Variants in URB1 observed in about 807,000 individuals in gnomAD.
The protein encoded by URB1 is URB1 ribosome biogenesis factor, also known as nucleolar pre-ribosomal-associated protein 1.
In URB1, 197 loss-of-function variants were observed where a neutral mutation model predicts 242.3. The ratio of observed to expected loss-of-function variants is 0.81; its 90% CI spans 0.72 to 0.91. The LOEUF is 0.91. Ranked by LOEUF, URB1 falls within the 40% of genes least tolerant of loss-of-function variation. The probability of loss-of-function intolerance (pLI) is 0.00; values close to 1 mark genes in which losing one functional copy is unlikely to be tolerated. For missense variants in URB1, 2,721 were observed against 2,860.5 expected, an observed-to-expected ratio of 0.95 and a Z score of 1.11; for synonymous variants, 1,153 against 1,201.8, an observed-to-expected ratio of 0.96 and a Z score of 0.84.
At chr21:32,356,889 A>G (rs1028538603) in intron 15 of URB1, among the ~76,000 whole-genome samples, 2 of 152,242 alleles carry the variant, frequency 1.3e-5, no homozygotes, top group African/African-American at 4.8e-5. Flanking sequence ...ATGGCAACCT[A>G]TGGAGGTCAA....
intron 24 of URB1, among the ~76,000 whole-genome samples, chr21:32,341,839 TTGACAAGCA>T (rs1347972438): frequency 2.2e-4 from 33 of 152,354 alleles, no homozygotes; most frequent in Middle Eastern, 3.4e-3. Flanking sequence ...TGCACAATTC[TTGACAAGCA>T]TGTGATAGCT....
intron 9 of URB1, 105 bp from the exon 10 acceptor site, chr21:32,366,860 G>T: frequency 7.8e-7 from 1 of 1,281,100 alleles, no homozygotes; most frequent in East Asian, 2.5e-5. Flanking sequence ...AATAATTATA[G>T]CGGTAAAGGT....
In URB1 at chr21:32,383,403, G is replaced by C; in HGVS notation, c.567+19C>G. ...GGAAGGAGACCCATGGAAGGCACGA[G>C]ACACTGTGGTCCCCTCACCTTTGAA... On this transcript the variant is annotated intron_variant, in intron 4 of 38. Coordinates refer to ENST00000382751, the MANE Select transcript of URB1 (RefSeq NM_014825.3). 3.2e-6 allele frequency: 5 copies of C among 1,546,978 alleles called. No homozygotes were observed. Among genetic ancestry groups the C allele is most frequent in the Non-Finnish European group, 4.4e-6 (5 of 1,144,754 alleles).
intron 17 of URB1, 122 bp downstream of exon 17, chr21:32,354,737 T>A: frequency 7.7e-7 from 1 of 1,302,762 alleles, no homozygotes; most frequent in South Asian, 1.8e-5. Context: ...TGGTCTTTGC[T>A]GCAAAGGGAC....
rs780096395 is a variant in URB1 at position 32,317,771 on chromosome 21, A to T, written c.5939T>A (p.Val1980Asp). 2.4e-5 allele frequency: 37 copies of T among 1,551,794 alleles called. No individual in the cohort carries two copies. Among genetic ancestry groups the T allele is most frequent in the Admixed American group, 5.9e-5 (3 of 50,982 alleles). The change falls in exon 37 of 39, where the codon GTC (valine) becomes GAC (aspartate). Residue 1980 changes from valine (V) to aspartate (D), a missense_variant. Coordinates refer to ENST00000382751, the MANE Select transcript of URB1 (RefSeq NM_014825.3). ...AATGAGGCTCCACTTGTGCAAGAGG[A>T]CAAGGACGTCCTTGGTGGAAAGCAC... ...ETVLSTKDVL[V>D]LLHKWSLIER... is the part of the protein sequence containing the mutation.
chr21:32,317,153 C>T, intron 37 of URB1, 88 bp from the exon 38 acceptor site: 1 of 1,436,572 alleles, frequency 7.0e-7, no homozygotes, highest in Non-Finnish European at 9.1e-7. Flanking sequence ...ATGGGGGACA[C>T]GAGGGGCGGC....
chr21:32,337,620 C>T (rs749534512), intron 26 of URB1, 106 bp from the exon 27 acceptor site: 22 of 858,370 alleles, frequency 2.6e-5, no homozygotes, highest in Non-Finnish European at 4.1e-5. Flanking sequence ...GAAATCTCCT[C>T]CTCTGAATAA....
rs1488796090 is a variant in URB1, at chr21:32,373,745, T to G, written c.778A>C (p.Thr260Pro). 2 of 1,544,372 alleles carry G rather than the reference T, an allele frequency of 1.3e-6. No individual in the cohort carries two copies. The highest frequency in any genetic ancestry group is 1.7e-6 in the Non-Finnish European group (2 of 1,144,648). The change falls in exon 7 of 39, where the codon ACC becomes CCC. Residue 260 changes from threonine (T) to proline (P), a missense_variant. Physicochemically the swap from Thr to Pro is conservative, Grantham distance 38 (BLOSUM62 -1). Coordinates refer to ENST00000382751, the MANE Select transcript of URB1 (RefSeq NM_014825.3). ...CCCGTAAAGAAACGCACCTTCTGGGTTTTTGTGATATTTTTATTGTGAACT... is the reference window on the plus strand; with the variant it reads ...CCCGTAAAGAAACGCACCTTCTGGGGTTTTGTGATATTTTTATTGTGAACT... ...KVVHNKNITK[T>P]QKVRFFTGQL...
chr21:32,322,640 T>C (rs1013533477), intron 32 of URB1, 56 bp from the exon 33 acceptor site: 2 of 1,329,700 alleles, frequency 1.5e-6, no homozygotes, highest in Non-Finnish European at 2.1e-6. Flanking sequence ...CGCCCCCTGG[T>C]CTGGCAGCAC....
intron 4 of URB1, among the ~76,000 whole-genome samples, chr21:32,382,717 A>T (rs2033540039): frequency 1.3e-5 from 2 of 152,062 alleles, no homozygotes; most frequent in Non-Finnish European, 2.9e-5. Context: ...TGATATGGCA[A>T]CCAGAAGAGG....
chr21:32,315,257 C>G (rs573843366), intron 38 of URB1, among the ~76,000 whole-genome samples, 158 bp from the exon 39 acceptor site: 24 of 151,444 alleles, frequency 1.6e-4, no homozygotes, highest in African/African-American at 5.8e-4. Context: ...ACAACTCACT[C>G]TGCCTTTGCT....
intron 30 of URB1, among the ~76,000 whole-genome samples, chr21:32,327,885 C>A (rs968322941): frequency 1.3e-5 from 2 of 152,146 alleles, no homozygotes; most frequent in African/African-American, 4.8e-5. Flanking sequence ...CATACACATA[C>A]AAAAGTTGCA....
Position 32,347,116 on chromosome 21 carries a change from C to CAGGGCAGCGATGCTG in URB1, c.3693_3707dup (p.Ser1232_Leu1236dup). ...AGTGGGTGCAGCTCTCCTGGAGGAG[C>CAGGGCAGCGATGCTG]AGGGCAGCGATGCTGAGGGCCGCCT... On this transcript the variant is annotated inframe_insertion, in exon 22 of 39. Transcript: ENST00000382751. 6.5e-7 allele frequency: 1 copy of CAGGGCAGCGATGCTG among 1,549,728 alleles called. No homozygotes were observed. The highest frequency in any genetic ancestry group is 8.7e-7 in the Non-Finnish European group (1 of 1,146,474).
intron 34 of URB1, 139 bp downstream of exon 34, chr21:32,321,662 C>T (rs1010402379): frequency 7.7e-7 from 1 of 1,296,386 alleles, no homozygotes; most frequent in South Asian, 1.5e-5. Context: ...CAACATCTCA[C>T]TTCCCCTAAC....
At position 32,312,589 on chromosome 21, in the gene URB1, G is replaced by A. The variant is rs115705647; in HGVS notation, c.*2329C>T. ...GCCAACGCCTGTCAGCAGCCAGGCC[G>A]GGTAAGCAGGATCTATGCCCAAATG... On this transcript the variant is annotated 3_prime_UTR_variant, in exon 39 of 39. Coordinates refer to ENST00000382751, the MANE Select transcript of URB1 (RefSeq NM_014825.3). 0.016 allele frequency: 2,716 copies of A among 164,724 alleles called. 82 individuals are homozygous for A. Among genetic ancestry groups the A allele is most frequent in the African/African-American group, 0.061 (2,534 of 41,824 alleles). 10.2% of individuals were successfully genotyped at this position (164,724 alleles called of 1,614,324 possible).
intron 30 of URB1, among the ~76,000 whole-genome samples, chr21:32,331,907 C>T (rs1169102580): frequency 6.6e-6 from 1 of 152,206 alleles, no homozygotes; most frequent in Admixed American, 6.5e-5. Context: ...TCCTCCTGCC[C>T]CCACTGGGGT....
intron 14 of URB1, among the ~76,000 whole-genome samples, chr21:32,359,266 A>G (rs1354946028): frequency 7.2e-5 from 11 of 152,208 alleles, no homozygotes; most frequent in Non-Finnish European, 1.5e-4. Context: ...GCTTAAGCCC[A>G]GCATAAATAT....
At chr21:32,326,411 G>C (rs1012426540) in intron 30 of URB1, among the ~76,000 whole-genome samples, 5 of 152,176 alleles carry the variant, frequency 3.3e-5, no homozygotes, top group Non-Finnish European at 7.4e-5. Flanking sequence ...GAAAGATAAA[G>C]CATTTTAAGC....
intron 2 of URB1, 140 bp downstream of exon 2, chr21:32,385,405 A>T: frequency 6.4e-6 from 8 of 1,247,194 alleles, no homozygotes; most frequent in Non-Finnish European, 7.4e-6. Flanking sequence ...AAAAATGAAT[A>T]CATTCCTACA....
Sources: allele counts gnomAD v4.1 joint callset (sites outside exome capture counted in the v4.1 genomes callset), GRCh38; gene constraint gnomAD v4.1.1; transcripts MANE v1.5; gene names NCBI Gene and HGNC (gene_info 2026-07-23, HGNC 2026-07-21).